Variants in HERC1 observed in about 807,000 individuals in gnomAD.
The protein encoded by HERC1 is HECT and RLD domain containing E3 ubiquitin protein ligase family member 1.
In HERC1, 160 loss-of-function variants were observed where a neutral mutation model predicts 554.3. The ratio of observed to expected loss-of-function variants is 0.29; its 90% CI spans 0.25 to 0.33. The LOEUF is 0.33. Ranked by LOEUF, HERC1 falls within the 10% of genes least tolerant of loss-of-function variation. HERC1 has a pLI of 1.00. For synonymous variants in HERC1, 2,175 were observed against 2,131.7 expected (o/e 1.02, Z -0.56); for missense variants, 4,919 against 5,918.5 (o/e 0.83, Z 5.54).
At chr15:63,678,663 C>CA (rs1442689387) in intron 36 of HERC1, among the ~76,000 whole-genome samples, 4 of 152,146 alleles carry the variant, frequency 2.6e-5, no homozygotes, top group Non-Finnish European at 5.9e-5. Context: ...ATGACTGACT[C>CA]AATTTAGTCT....
At chr15:63,789,013 G>A (rs56100886) in intron 1 of HERC1, among the ~76,000 whole-genome samples, 45,659 of 145,852 alleles carry the variant, frequency 0.31, 7,366 homozygotes, top group Middle Eastern at 0.43. Context: ...GATGTTAAAA[G>A]TAAACTTGAT....
chr15:63,825,809 G>T (rs1003701574), intron 1 of HERC1, among the ~76,000 whole-genome samples: 4 of 151,666 alleles, frequency 2.6e-5, no homozygotes, highest in Non-Finnish European at 4.4e-5. Flanking sequence ...TTGTCCCCCA[G>T]GCTGAGTATA....
At chr15:63,640,092 A>C (rs929659031) in intron 61 of HERC1, 60 bp downstream of exon 61, 1 of 1,508,714 alleles carries the variant, frequency 6.6e-7, no homozygotes, top group African/African-American at 1.4e-5. Flanking sequence ...GGTCTGCTAC[A>C]TGCCCAATAC....
chr15:63,753,287 T>C (rs576062049), intron 7 of HERC1, among the ~76,000 whole-genome samples: 3 of 152,308 alleles, frequency 2.0e-5, no homozygotes, highest in South Asian at 2.1e-4. Context: ...GCCTTTTATA[T>C]CTTAATTTCA....
At chr15:63,778,054 A>C (rs1271909335) in intron 1 of HERC1, among the ~76,000 whole-genome samples, 1 of 151,950 alleles carries the variant, frequency 6.6e-6, no homozygotes, top group Non-Finnish European at 1.5e-5. Flanking sequence ...ATTTAAGAAA[A>C]ACAAGAAGGA....
intron 1 of HERC1, among the ~76,000 whole-genome samples, chr15:63,779,362 A>G (rs905500528): frequency 2.0e-5 from 3 of 152,222 alleles, no homozygotes; most frequent in African/African-American, 7.2e-5. Context: ...CCTCCAAGCA[A>G]AGAGATGAAA....
chr15:63,634,809 C>A lies in HERC1; in HGVS notation c.12494G>T (p.Arg4165Leu), dbSNP rs374019165. ...GTTAGAGGTATTTCCAAGACCCAGA[C>A]GACCATAGTCACCATTCCCAAAGGT... ...LFTFGNGDYG[R>L]LGLGNTSNKK... The change falls in exon 66 of 78, where the codon CGT becomes CTT. Residue 4165 changes from arginine (R) to leucine (L), a missense_variant. This residue lies in a region of HERC1 where 410 missense variants were observed against 467.0 expected (regional missense o/e 0.88). Transcript: ENST00000443617. 1 of 1,613,176 alleles carries A rather than the reference C, an allele frequency of 6.2e-7. No individual in the cohort carries two copies. Among genetic ancestry groups the A allele is most frequent in the Non-Finnish European group, 8.5e-7 (1 of 1,179,386 alleles).
chr15:63,747,105 T>C, intron 11 of HERC1, 22 bp from the exon 12 acceptor site: 1 of 1,581,040 alleles, frequency 6.3e-7, no homozygotes, highest in East Asian at 2.3e-5. Context: ...TAAACGTCTA[T>C]GAATTCTCGG....
chr15:63,800,783 T>C lies in HERC1; in HGVS notation c.-26-25134A>G, dbSNP rs964673768. Among the ~76,000 whole-genome samples, 7 of 152,192 alleles carry C rather than the reference T, an allele frequency of 4.6e-5. No homozygotes were observed. Among genetic ancestry groups the C allele is most frequent in the Non-Finnish European group, 1.5e-5 (1 of 68,030 alleles). ...AGGGGAATAGGAGCATCTTTTGTTATTCGTAACAAGCCCCTTTCAACCATA... is the reference window on the plus strand; with the variant it reads ...AGGGGAATAGGAGCATCTTTTGTTACTCGTAACAAGCCCCTTTCAACCATA... On this transcript the variant is annotated intron_variant, in intron 1 of 77. Transcript: ENST00000443617.
At chr15:63,731,331 T>G (rs551091268) in intron 14 of HERC1, among the ~76,000 whole-genome samples, 1 of 152,328 alleles carries the variant, frequency 6.6e-6, no homozygotes, top group South Asian at 2.1e-4. Flanking sequence ...TTTTAAAATC[T>G]TAGAACAAAT....
At position 63,661,926 on chromosome 15, in the gene HERC1, A is replaced by G; in HGVS notation, c.8997T>C (p.His2999=). 1 of 1,613,930 alleles carries G rather than the reference A, an allele frequency of 6.2e-7. No individual in the cohort carries two copies. Among genetic ancestry groups the G allele is most frequent in the Non-Finnish European group, 8.5e-7 (1 of 1,179,882 alleles). The change falls in exon 45 of 78, where the codon CAT becomes CAC. Residue 2999 remains histidine (H), a synonymous_variant. Coordinates refer to ENST00000443617, the MANE Select transcript of HERC1 (RefSeq NM_003922.4). Reference sequence around the variant, plus strand: ...GGTTTGCACTGCGCCCACAGCCTGGATGGTTTCTCTTCATGTGCTGATTGA... The same window carrying G: ...GGTTTGCACTGCGCCCACAGCCTGGGTGGTTTCTCTTCATGTGCTGATTGA... ...VSFNQHMKRN[H]PGCGRSANRQ...
intron 1 of HERC1, among the ~76,000 whole-genome samples, chr15:63,827,769 T>C (rs1212321833): frequency 1.3e-5 from 2 of 152,128 alleles, no homozygotes; most frequent in Non-Finnish European, 2.9e-5. Flanking sequence ...ATGAACAAAA[T>C]GTAGTATATT....
chr15:63,823,642 T>C (rs565805964), intron 1 of HERC1, among the ~76,000 whole-genome samples: 138 of 152,338 alleles, frequency 9.1e-4, no homozygotes, highest in African/African-American at 3.2e-3. Context: ...GGTACATAAC[T>C]AGTGCCATCC....
chr15:63,712,708 C>T, intron 24 of HERC1, 67 bp downstream of exon 24: 1 of 1,456,140 alleles, frequency 6.9e-7, no homozygotes, highest in Non-Finnish European at 9.4e-7. Flanking sequence ...CTTACTCTAA[C>T]CAAAGCCTTA....
intron 24 of HERC1, among the ~76,000 whole-genome samples, chr15:63,709,469 T>C (rs1038330416): frequency 5.9e-5 from 9 of 152,216 alleles, no homozygotes; most frequent in Non-Finnish European, 8.8e-5. Context: ...ATATTTTAAA[T>C]TGTATTACCA....
rs562007788 is a variant in HERC1, at chr15:63,661,963, C to T, written c.8960G>A (p.Ser2987Asn). 10 of 1,614,004 alleles carry T rather than the reference C, an allele frequency of 6.2e-6. No homozygotes were observed. In the South Asian group the frequency reaches 9.9e-5, roughly 16 times the overall value. Residue 2987 changes from serine to asparagine, a missense_variant, in exon 45 of 78, where the codon AGC becomes AAC. Physicochemically the swap from Ser to Asn is conservative, Grantham distance 46 (BLOSUM62 1). This residue lies in a region of HERC1 where 1,963 missense variants were observed against 2,228.6 expected (regional missense o/e 0.88). Transcript: ENST00000443617. ...EVVVCELCEC[S>N]VVSFNQHMKR... ...CATGTGCTGATTGAAGCTGACGACG[C>T]TGCATTCACACAGTTCACACACCAC...
At chr15:63,818,393 G>A (rs546208993) in intron 1 of HERC1, among the ~76,000 whole-genome samples, 2 of 152,228 alleles carry the variant, frequency 1.3e-5, no homozygotes, top group African/African-American at 2.4e-5. Flanking sequence ...CTGAAATAAG[G>A]AGCCAAACCG....
At chr15:63,618,935 C>A (rs1351244409) in intron 74 of HERC1, among the ~76,000 whole-genome samples, 1 of 152,180 alleles carries the variant, frequency 6.6e-6, no homozygotes, top group Non-Finnish European at 1.5e-5. Context: ...ATCATGTCAT[C>A]TGCAAACAGG....
chr15:63,625,978 C>T lies in HERC1; in HGVS notation c.13275+7G>A. On this transcript the variant is annotated splice_region_variant and intron_variant, in intron 71 of 77. Transcript: ENST00000443617. The stretch of plus-strand genomic sequence containing the variant: ...GTGCCTGGCTGCTTACCACGCCAGT[C>T]TGTTACCTGGTTGTTGGGGCTAAGG... 6.2e-7 allele frequency: 1 copy of T among 1,604,262 alleles called. No individual in the cohort carries two copies. The highest frequency in any genetic ancestry group is 8.5e-7 in the Non-Finnish European group (1 of 1,175,312).
Sources: gnomAD v4.1 joint callset for allele counts (sites outside exome capture counted in the v4.1 genomes callset) on GRCh38, gnomAD v4.1.1 for gene constraint, gnomAD v4.1.1 regional missense constraint, MANE v1.5 for transcripts, NCBI Gene and HGNC (gene_info 2026-07-23, HGNC 2026-07-21) for gene names.